Variants in KIAA0232 observed in about 807,000 individuals in gnomAD.
The protein encoded by KIAA0232 is uncharacterized protein KIAA0232.
Under a neutral mutation model 122.0 loss-of-function variants are expected in KIAA0232, and 27 were observed. The ratio of observed to expected loss-of-function variants is 0.22; its 90% CI spans 0.16 to 0.31. The LOEUF is 0.31. KIAA0232 is among the 10% of genes least tolerant of loss of function. The pLI is 1.00. For synonymous variants in KIAA0232, 613 were observed against 587.6 expected (o/e 1.04, Z -0.63); for missense variants, 1,551 against 1,634.2 (o/e 0.95, Z 0.88).
chr4:6,874,772 A>G (rs1258886633), intron 8 of KIAA0232, among the ~76,000 whole-genome samples: 1 of 152,190 alleles, frequency 6.6e-6, no homozygotes, highest in Non-Finnish European at 1.5e-5. Context: ...ATTGTAAGGT[A>G]AAGTGCCTAG....
Position 6,862,310 on chromosome 4 carries a change from G to A in KIAA0232, c.1928G>A (p.Gly643Asp). The A allele has an allele frequency of 6.2e-7, 1 of 1,614,090 alleles. No homozygotes were observed. Among genetic ancestry groups the A allele is most frequent in the Non-Finnish European group, 8.5e-7 (1 of 1,180,002 alleles). Residue 643 changes from glycine (G) to aspartate (D), a missense_variant, in exon 7 of 10, where the codon GGT (glycine) becomes GAT (aspartate). Transcript: ENST00000307659. ...ELFSDINEGS[G>D]INSCFSVFEV... is the part of the protein sequence containing the mutation. The stretch of plus-strand genomic sequence containing the variant: ...TTTTCAGATATTAATGAAGGATCTG[G>A]TATAAACTCTTGTTTTTCAGTGTTT...
chr4:6,864,662 C>G (rs930923125), intron 7 of KIAA0232, among the ~76,000 whole-genome samples: 23 of 145,646 alleles, frequency 1.6e-4, no homozygotes, highest in African/African-American at 5.8e-4. Context: ...TCACTTGAAC[C>G]CGAGAGGCAA....
In KIAA0232 at chr4:6,861,530, G is replaced by A; in HGVS notation, c.1148G>A (p.Gly383Glu). ...IGRKDPGSTE[G>E]KDLYMENRKD... ...AGAAAAGATCCTGGGAGCACTGAAG[G>A]AAAAGACCTGTACATGGAGAATAGA... The change falls in exon 7 of 10, where the codon GGA becomes GAA. Residue 383 changes from glycine (G) to glutamate (E), a missense_variant. Coordinates refer to ENST00000307659, the MANE Select transcript of KIAA0232 (RefSeq NM_014743.3). 6.2e-7 allele frequency: 1 copy of A among 1,614,072 alleles called. No individual in the cohort carries two copies.
At chr4:6,877,358 G>A (rs570274949) in intron 9 of KIAA0232, among the ~76,000 whole-genome samples, 214 of 152,306 alleles carry the variant, frequency 1.4e-3, no homozygotes, top group African/African-American at 5.0e-3. Flanking sequence ...GTTTAGTCTC[G>A]TCTTAGACCT....
chr4:6,851,174 A>G (rs1212420107), intron 4 of KIAA0232, among the ~76,000 whole-genome samples: 1 of 152,232 alleles, frequency 6.6e-6, no homozygotes, highest in Non-Finnish European at 1.5e-5. Context: ...TTACATGCCC[A>G]TTAGTGGCCT....
intron 1 of KIAA0232, among the ~76,000 whole-genome samples, chr4:6,800,083 A>G (rs1164175338): frequency 4.0e-5 from 2 of 50,328 alleles, no homozygotes; most frequent in East Asian, 3.6e-4. Context: ...TTTGAGATGG[A>G]GTCTCACTCT....
chr4:6,804,656 T>A (rs1717535109), intron 2 of KIAA0232, 50 bp downstream of exon 2: 1 of 152,194 alleles, frequency 6.6e-6, no homozygotes, highest in Non-Finnish European at 1.5e-5. Context: ...AAGTTTCTGA[T>A]ACCATATAAA....
chr4:6,813,392 T>G lies in KIAA0232; in HGVS notation c.-270+8786T>G, dbSNP rs1226370863. 2.0e-5 allele frequency among the ~76,000 whole-genome samples: 3 copies of G among 151,828 alleles called. No individual in the cohort carries two copies. The East Asian group carries it at 5.8e-4, about 29-fold the overall frequency. ...TTTTTGTTTTTTTTGAGACGGAGTC[T>G]CGCTCTGTTGCCCAGGCTGGAATGC... On this transcript the variant is annotated intron_variant, in intron 2 of 9. Transcript: ENST00000307659.
rs981258480 is a variant in KIAA0232 at position 6,855,396 on chromosome 4, A to T, written c.370-1768A>T. Among the ~76,000 whole-genome samples, 12 of 152,034 alleles carry T rather than the reference A, an allele frequency of 7.9e-5. No homozygotes were observed. The highest frequency in any genetic ancestry group is 2.7e-4 in the African/African-American group (11 of 41,400). On this transcript the variant is annotated intron_variant, in intron 4 of 9. Transcript: ENST00000307659. The surrounding 1 kb of genome is among the most constrained non-coding windows in gnomAD (Gnocchi z 4.3). ...AGCCGCTGCGCCCAGCTGATTTTTTAAAAAAATATATAAGATGCTACAGGT... is the reference window on the plus strand; with the variant it reads ...AGCCGCTGCGCCCAGCTGATTTTTTTAAAAAATATATAAGATGCTACAGGT...
chr4:6,842,962 T>C (rs575208083), intron 4 of KIAA0232, among the ~76,000 whole-genome samples: 1 of 152,192 alleles, frequency 6.6e-6, no homozygotes, highest in Non-Finnish European at 1.5e-5. Context: ...TTATTACATT[T>C]GGATACATTC....
intron 3 of KIAA0232, among the ~76,000 whole-genome samples, chr4:6,831,206 C>T (rs1253488066): frequency 2.0e-5 from 3 of 152,098 alleles, no homozygotes; most frequent in African/African-American, 7.2e-5. Flanking sequence ...CAGGTGCGCG[C>T]CACCACGCCC....
At chr4:6,844,870 A>G (rs1034300878) in intron 4 of KIAA0232, among the ~76,000 whole-genome samples, 9 of 152,252 alleles carry the variant, frequency 5.9e-5, no homozygotes, top group African/African-American at 2.2e-4. Flanking sequence ...GGTTTAAGGA[A>G]GAATAGAAAT....
In KIAA0232 at chr4:6,861,165, T is replaced by C. The variant is rs1720832810; in HGVS notation, c.783T>C (p.Asn261=). 6.2e-7 allele frequency: 1 copy of C among 1,613,996 alleles called. No homozygotes were observed. The highest frequency in any genetic ancestry group is 8.5e-7 in the Non-Finnish European group (1 of 1,180,032). Residue 261 remains asparagine (N), a synonymous_variant, in exon 7 of 10, where the codon AAT becomes AAC. Transcript: ENST00000307659. The part of the protein sequence containing the change: ...SKNEKENKFS[N]GTIEEKPALY... ...ACGAGAAGGAAAACAAATTTAGTAA[T>C]GGCACAATTGAAGAAAAGCCTGCTT...
At chr4:6,840,669 CTGAG>C (rs1183658961) in intron 3 of KIAA0232, among the ~76,000 whole-genome samples, 1 of 151,164 alleles carries the variant, frequency 6.6e-6, no homozygotes, top group Non-Finnish European at 1.5e-5. Flanking sequence ...AAGATTAGGA[CTGAG>C]TAACTATTTG....
chr4:6,880,855 C>T lies in KIAA0232; in HGVS notation c.4077C>T (p.Arg1359=), dbSNP rs143854680. 56 of 1,606,872 alleles carry T rather than the reference C, an allele frequency of 3.5e-5. No homozygotes were observed. Among genetic ancestry groups the T allele is most frequent in the Non-Finnish European group, 4.7e-5 (55 of 1,176,162 alleles). ...CTGGAGCAAAGTCAGATGGCTTCCG[C>T]GGAAAGATGTGCTCCAGCGCCAGCT... ...RDSGAKSDGF[R]GKMCSSASST... The change falls in exon 10 of 10, where the codon CGC becomes CGT. Residue 1359 remains arginine, a synonymous_variant. Coordinates refer to ENST00000307659, the MANE Select transcript of KIAA0232 (RefSeq NM_014743.3).
In KIAA0232 at chr4:6,842,177, C is replaced by G; in HGVS notation, c.342C>G (p.Val114=). Residue 114 remains valine (V), a synonymous_variant, in exon 4 of 10, where the codon GTC becomes GTG. Transcript: ENST00000307659. ...TLEEMKKQAA[V]QCLRSASDES... ...AAGAAATGAAAAAACAGGCTGCTGT[C>G]CAGTGTCTTCGATCTGCTTCTGATG... The G allele has an allele frequency of 1.2e-6, 2 of 1,605,708 alleles. No homozygotes were observed. The highest frequency in any genetic ancestry group is 1.7e-6 in the Non-Finnish European group (2 of 1,177,124).
intron 2 of KIAA0232, among the ~76,000 whole-genome samples, chr4:6,812,424 G>T (rs1001429948): frequency 6.6e-6 from 1 of 152,020 alleles, no homozygotes; most frequent in Non-Finnish European, 1.5e-5. Context: ...CGCCATGGGG[G>T]TGACATAATG....
intron 1 of KIAA0232, among the ~76,000 whole-genome samples, chr4:6,796,067 G>A (rs941588593): frequency 3.3e-5 from 5 of 152,164 alleles, no homozygotes; most frequent in African/African-American, 1.2e-4. Flanking sequence ...ATGATGAGAG[G>A]TGTGGTTTGT....
At chr4:6,837,928 G>GGAGAGGGAGAGGGAGA (rs1441081779) in intron 3 of KIAA0232, among the ~76,000 whole-genome samples, 2 of 151,838 alleles carry the variant, frequency 1.3e-5, no homozygotes, top group African/African-American at 4.8e-5. Context: ...GGAGGGGGAG[G>GGAGAGGGAGAGGGAGA]GAGAGGGAGA....
Sources: gnomAD v4.1 joint callset for allele counts (sites outside exome capture counted in the v4.1 genomes callset) on GRCh38, gnomAD v4.1.1 for gene constraint, Gnocchi (gnomAD v3.1) non-coding constraint, MANE v1.5 for transcripts, NCBI Gene and HGNC (gene_info 2026-07-23, HGNC 2026-07-21) for gene names.